The following DBNDD1 variants were observed in gnomAD, a reference collection of about 807,000 sequenced individuals.
The protein encoded by DBNDD1 is dysbindin domain containing 1.
Under a neutral mutation model 17.0 loss-of-function variants are expected in DBNDD1, and 14 were observed. The ratio of observed to expected loss-of-function variants is 0.82; its 90% confidence interval spans 0.54 to 1.29. The LOEUF (loss-of-function observed/expected upper bound fraction) is 1.29. Ranked by LOEUF, DBNDD1 falls within the 50% of genes most tolerant of loss-of-function variation. The pLI is 0.00. For synonymous variants in DBNDD1, 105 were observed against 102.0 expected (o/e 1.03, Z -0.18); for missense variants, 221 against 216.2 (o/e 1.02, Z -0.14).
intron 1 of DBNDD1, among the ~76,000 whole-genome samples, chr16:90,017,348 A>G (rs2035656860): frequency 6.6e-6 from 1 of 152,158 alleles, no homozygotes; most frequent in African/African-American, 2.4e-5. Flanking sequence ...ACAAAAAATC[A>G]GCCAGGTGTG....
Position 90,006,270 on chromosome 16 carries a change from A to G in DBNDD1, c.*65T>C, listed in dbSNP as rs770058406. The stretch of plus-strand genomic sequence containing the variant: ...GGTGAAGTGTGTCTGCTGGGTCAGC[A>G]CTGCCCAGATCTGCCATCGTGTTCG... On this transcript the variant is annotated 3_prime_UTR_variant, in exon 4 of 4. Transcript: ENST00000002501. 3.1e-5 allele frequency: 48 copies of G among 1,531,060 alleles called. No homozygotes were observed. Among genetic ancestry groups the G allele is most frequent in the Non-Finnish European group, 3.8e-5 (43 of 1,135,410 alleles). 94.8% of individuals were successfully genotyped at this position (1,531,060 alleles called of 1,614,324 possible).
At chr16:90,009,570 G>C (rs2035511959) in intron 1 of DBNDD1, 140 bp from the exon 2 acceptor site, 1 of 1,322,064 alleles carries the variant, frequency 7.6e-7, no homozygotes, top group Non-Finnish European at 1.0e-6. Context: ...GGATGGCTGG[G>C]CTTGTGGCCT....
rs1163797315 is a variant in DBNDD1 at position 90,009,336 on chromosome 16, G to A, written c.126C>T (p.Val42=). 2.9e-5 allele frequency: 46 copies of A among 1,613,388 alleles called. No homozygotes were observed. Among genetic ancestry groups the A allele is most frequent in the Non-Finnish European group, 3.6e-5 (43 of 1,180,000 alleles). The change falls in exon 2 of 4, where the codon GTC becomes GTT. Residue 42 remains valine (V), a synonymous_variant. Coordinates refer to ENST00000002501, the MANE Select transcript of DBNDD1 (RefSeq NM_001042610.3). ...CCGGTGCTGGTACTGGGATGCCCCCGACCTCCTCCTCCACAGGCGTGTGGC... is the reference window on the plus strand; with the variant it reads ...CCGGTGCTGGTACTGGGATGCCCCCAACCTCCTCCTCCACAGGCGTGTGGC... The part of the protein sequence containing the change: ...DNGHTPVEEE[V]GGIPVPAPGL...
At chr16:90,012,850 A>C (rs1179120680) in intron 1 of DBNDD1, among the ~76,000 whole-genome samples, 1 of 152,024 alleles carries the variant, frequency 6.6e-6, no homozygotes, top group African/African-American at 2.4e-5. Flanking sequence ...TCTTGGGCTC[A>C]AGCGATCCTC....
chr16:90,006,206 GGTGT>G lies in DBNDD1; in HGVS notation c.*125_*128del. On this transcript the variant is annotated 3_prime_UTR_variant, in exon 4 of 4. Coordinates refer to ENST00000002501, the MANE Select transcript of DBNDD1 (RefSeq NM_001042610.3). ...GGGGCTGGCAGAGAGCTGCCCCCAG[GGTGT>G]GTGTCAGGAGGTGACGGCTGGAGCC... The G allele has an allele frequency of 7.8e-7, 1 of 1,281,982 alleles. No individual in the cohort carries two copies. The highest frequency in any genetic ancestry group is 1.1e-6 in the Non-Finnish European group (1 of 945,848). The allele number at this position is 1,281,982 out of a possible 1,614,324, so 79.4% of individuals were successfully genotyped here.
intron 2 of DBNDD1, 158 bp from the exon 3 acceptor site, chr16:90,009,082 C>T (rs938718525): frequency 5.0e-6 from 6 of 1,193,334 alleles, no homozygotes; most frequent in South Asian, 3.2e-5. Flanking sequence ...ATGAGTGTTG[C>T]GTATACTCAT....
At chr16:90,014,577 T>C (rs1567835831) in intron 1 of DBNDD1, among the ~76,000 whole-genome samples, 1 of 152,110 alleles carries the variant, frequency 6.6e-6, no homozygotes, top group African/African-American at 2.4e-5. Flanking sequence ...AGAGGGGGCA[T>C]GCGAATGCCA....
In DBNDD1 at chr16:90,011,391, G is replaced by A. The variant is rs531427992; in HGVS notation, c.32-1961C>T. Among the ~76,000 whole-genome samples the A allele has an allele frequency of 3.3e-5, 5 of 152,362 alleles. No individual in the cohort carries two copies. The South Asian group carries it at 6.2e-4, about 19-fold the overall frequency. On this transcript the variant is annotated intron_variant, in intron 1 of 3. Coordinates refer to ENST00000002501, the MANE Select transcript of DBNDD1 (RefSeq NM_001042610.3). The stretch of plus-strand genomic sequence containing the variant: ...GCCAAGGGAGCTGAGGCCCGCAGGT[G>A]CCCGGCCTCCTGAGTGAGGGGCACC...
intron 1 of DBNDD1, among the ~76,000 whole-genome samples, chr16:90,010,793 G>A (rs573530149): frequency 1.3e-5 from 2 of 152,274 alleles, no homozygotes; most frequent in East Asian, 3.9e-4. Flanking sequence ...GGGCCACGCC[G>A]TCCTAGCGGC....
At position 90,012,702 on chromosome 16, in the gene DBNDD1, G is replaced by A. The variant is rs540427650; in HGVS notation, c.32-3272C>T. ...TCAAACTCCTGACCTCAGGTGATCC[G>A]TCTGCCTCGGCCTCCCAAAGTGCTG... is the stretch of plus-strand genomic sequence containing the variant. On this transcript the variant is annotated intron_variant, in intron 1 of 3. Transcript: ENST00000002501. 8.6e-5 allele frequency among the ~76,000 whole-genome samples: 13 copies of A among 151,560 alleles called. No individual in the cohort carries two copies. In the East Asian group the frequency reaches 2.3e-3, roughly 27 times the overall value.
upstream of DBNDD1, chr16:90,019,706 T>C: frequency 1.7e-6 from 1 of 582,546 alleles, no homozygotes; most frequent in Admixed American, 3.5e-5. This position sits in a 1 kb window ranked among gnomAD's most constrained non-coding sequence, Gnocchi z 6.1. Context: ...CGGCCGGGCG[T>C]CCGGGGCTCC....
Position 90,006,120 on chromosome 16 carries a change from G to T in DBNDD1, c.*215C>A. 1.5e-6 allele frequency: 1 copy of T among 686,576 alleles called. No homozygotes were observed. The highest frequency in any genetic ancestry group is 2.3e-6 in the Non-Finnish European group (1 of 435,258). The allele number at this position is 686,576 out of a possible 1,614,324, so 42.5% of individuals were successfully genotyped here. A position where few individuals can be genotyped will look rare whatever the true frequency, so the allele number is the denominator to read the frequency against. ...ATCCGGGGGCCCCGTGTGTCCCCCA[G>T]GAAAGCCGGCTGGTCTCCAAGTGAG... is the stretch of plus-strand genomic sequence containing the variant. On this transcript the variant is annotated 3_prime_UTR_variant, in exon 4 of 4. Coordinates refer to ENST00000002501, the MANE Select transcript of DBNDD1 (RefSeq NM_001042610.3).
chr16:90,008,997 G>A, intron 2 of DBNDD1, 73 bp from the exon 3 acceptor site: 1 of 1,467,114 alleles, frequency 6.8e-7, no homozygotes, highest in Non-Finnish European at 9.0e-7. Context: ...GGGTCTAGGA[G>A]AGAGTGTGCT....
At chr16:90,010,534 A>ATT (rs778294927) in intron 1 of DBNDD1, among the ~76,000 whole-genome samples, 49 of 128,906 alleles carry the variant, frequency 3.8e-4, no homozygotes, top group African/African-American at 1.1e-3. Context: ...CACCCAGCTA[A>ATT]TTTTTTTTTT....
At chr16:90,007,276 T>G (rs1376106165) in intron 3 of DBNDD1, 1 of 152,480 alleles carries the variant, frequency 6.6e-6, no homozygotes, top group Non-Finnish European at 1.5e-5. Flanking sequence ...TGGGAGCAGC[T>G]GGCCACCGGC....
At chr16:90,012,536 CA>C (rs2035572460) in intron 1 of DBNDD1, among the ~76,000 whole-genome samples, 1 of 148,648 alleles carries the variant, frequency 6.7e-6, no homozygotes, top group East Asian at 2.0e-4. Flanking sequence ...CTTGGCTCAT[CA>C]AAACCTCCGC....
intron 1 of DBNDD1, among the ~76,000 whole-genome samples, chr16:90,014,593 C>T (rs1415608580): frequency 6.6e-6 from 1 of 152,194 alleles, no homozygotes; most frequent in Non-Finnish European, 1.5e-5. Context: ...TGCCAGCAGT[C>T]CTCATTATAG....
Position 90,009,340 on chromosome 16 carries a change from T to A in DBNDD1, c.122A>T (p.Glu41Val), listed in dbSNP as rs772735770. ...TGCTGGTACTGGGATGCCCCCGACC[T>A]CCTCCTCCACAGGCGTGTGGCCATT... is the stretch of plus-strand genomic sequence containing the variant. ...GDNGHTPVEE[E>V]VGGIPVPAPG... The change falls in exon 2 of 4, where the codon GAG becomes GTG. Residue 41 changes from glutamate (E) to valine (V), a missense_variant. Transcript: ENST00000002501. 2.5e-6 allele frequency: 4 copies of A among 1,613,352 alleles called. No homozygotes were observed. The highest frequency in any genetic ancestry group is 3.4e-6 in the Non-Finnish European group (4 of 1,179,996).
At chr16:90,017,377 C>T (rs547110289) in intron 1 of DBNDD1, among the ~76,000 whole-genome samples, 1 of 152,064 alleles carries the variant, frequency 6.6e-6, no homozygotes, top group African/African-American at 2.4e-5. Flanking sequence ...CGCCTGTAGT[C>T]CCAGCCACTG....
Sources: allele counts gnomAD v4.1 joint callset (sites outside exome capture counted in the v4.1 genomes callset), GRCh38; gene constraint gnomAD v4.1.1; non-coding constraint Gnocchi (gnomAD v3.1); transcripts MANE v1.5; gene names NCBI Gene and HGNC (gene_info 2026-07-23, HGNC 2026-07-21).